The following ENPP6 variants were observed in gnomAD, a reference collection of about 807,000 sequenced individuals.
ENPP6 encodes glycerophosphocholine cholinephosphodiesterase ENPP6.
ENPP6 carries 32 observed loss-of-function variants against 42.0 expected under a neutral mutation model. The ratio of observed to expected loss-of-function variants is 0.76; its 90% CI spans 0.58 to 1.02. The LOEUF (loss-of-function observed/expected upper bound fraction) is 1.02, where lower values mean the gene tolerates loss of function less well. Ranked by LOEUF, ENPP6 falls within the 50% of genes least tolerant of loss-of-function variation. The pLI, the probability that ENPP6 is intolerant of heterozygous loss-of-function variation, is 0.00. For synonymous variants in ENPP6, 213 were observed against 216.0 expected, an observed-to-expected ratio of 0.99 and a Z score of 0.12; for missense variants, 552 against 566.8, an observed-to-expected ratio of 0.97 and a Z score of 0.27.
In ENPP6 at chr4:184,130,386, G is replaced by A. The variant is rs1220805200; in HGVS notation, c.422-6114C>T. On this transcript the variant is annotated intron_variant, in intron 2 of 7. Transcript: ENST00000296741. Reference sequence around the variant, plus strand: ...ATCCTGGCTAACACGGTGAAACCCTGTCTCTACTAAAAACACAAAAAATTA... The same window carrying A: ...ATCCTGGCTAACACGGTGAAACCCTATCTCTACTAAAAACACAAAAAATTA... Among the ~76,000 whole-genome samples the A allele has an allele frequency of 2.8e-5, 4 of 140,760 alleles. No homozygotes were observed. The South Asian group carries it at 7.2e-4, about 25-fold the overall frequency. 92.3% of individuals were successfully genotyped at this position (140,760 alleles called of 152,430 possible).
At chr4:184,199,830 C>A (rs111976278) in intron 1 of ENPP6, among the ~76,000 whole-genome samples, 2,302 of 152,270 alleles carry the variant, frequency 0.015, 76 homozygotes, top group African/African-American at 0.051. Flanking sequence ...GGGAGCCCAC[C>A]CCAGTCCCCC....
chr4:184,131,203 TC>T (rs66852041), intron 2 of ENPP6, among the ~76,000 whole-genome samples: 1,280 of 79,814 alleles, frequency 0.016, 96 homozygotes, highest in Middle Eastern at 0.038. Flanking sequence ...CTTTCTTTCT[TC>T]TTTCTTTCTT....
chr4:184,209,046 TAACA>T (rs1284470295), intron 1 of ENPP6, among the ~76,000 whole-genome samples: 29 of 146,054 alleles, frequency 2.0e-4, no homozygotes, highest in Non-Finnish European at 3.9e-4. Flanking sequence ...GAAGGAAAAC[TAACA>T]AACAGAAAGG....
intron 1 of ENPP6, 133 bp from the exon 2 acceptor site, chr4:184,153,866 T>TAA: frequency 8.2e-6 from 8 of 971,376 alleles, no homozygotes; most frequent in Admixed American, 3.9e-5. Context: ...CTTTTGACTT[T>TAA]AAAAAAAAAT....
At chr4:184,216,530 T>A (rs2111129172) in intron 1 of ENPP6, 1 of 152,268 alleles carries the variant, frequency 6.6e-6, no homozygotes. Flanking sequence ...TCTGTGGAGG[T>A]CCATGAGATA....
At chr4:184,160,898 AG>A (rs1737247611) in intron 1 of ENPP6, among the ~76,000 whole-genome samples, 1 of 152,204 alleles carries the variant, frequency 6.6e-6, no homozygotes, top group African/African-American at 2.4e-5. Flanking sequence ...AATATTCATG[AG>A]TTGGGTGAAT....
At chr4:184,175,545 T>G (rs1453199443) in intron 1 of ENPP6, among the ~76,000 whole-genome samples, 3 of 152,070 alleles carry the variant, frequency 2.0e-5, no homozygotes, top group Non-Finnish European at 4.4e-5. Context: ...AGTGGGGGCA[T>G]TTTATCACCT....
In ENPP6 at chr4:184,165,653, T is replaced by C. The variant is rs554828950; in HGVS notation, c.242-11920A>G. Among the ~76,000 whole-genome samples, 238 of 147,916 alleles carry C rather than the reference T, an allele frequency of 1.6e-3. 1 individual carries two copies. Among genetic ancestry groups the C allele is most frequent in the African/African-American group, 5.8e-3 (232 of 39,860 alleles). On this transcript the variant is annotated intron_variant, in intron 1 of 7. Coordinates refer to ENST00000296741, the MANE Select transcript of ENPP6 (RefSeq NM_153343.4). ...TGTAAATACCTCTAAGGAGGAATAT[T>C]CTCAGACTAGGGATATCAACAAAGG...
intron 2 of ENPP6, among the ~76,000 whole-genome samples, chr4:184,131,829 A>ACACG (rs765550600): frequency 1.3e-5 from 1 of 76,734 alleles, no homozygotes; most frequent in African/African-American, 5.9e-5. Flanking sequence ...ACACACATAT[A>ACACG]TATATATATA....
In ENPP6 at chr4:184,131,258, CT is replaced by C. The variant is rs1560987480; in HGVS notation, c.422-6987del. Among the ~76,000 whole-genome samples the C allele has an allele frequency of 2.9e-3, 106 of 36,182 alleles. 3 individuals carry two copies. The highest frequency in any genetic ancestry group is 0.012 in the Admixed American group (37 of 3,166). 23.7% of individuals were successfully genotyped at this position (36,182 alleles called of 152,430 possible). ...TCCTTTTCTTTCTTTCTTTCTCTTT[CT>C]CTTCCTTCCTTCCTTCCTTCCTTCC... is the stretch of plus-strand genomic sequence containing the variant. On this transcript the variant is annotated intron_variant, in intron 2 of 7. Coordinates refer to ENST00000296741, the MANE Select transcript of ENPP6 (RefSeq NM_153343.4).
At chr4:184,214,709 T>C (rs1479817804) in intron 1 of ENPP6, among the ~76,000 whole-genome samples, 1 of 152,210 alleles carries the variant, frequency 6.6e-6, no homozygotes, top group African/African-American at 2.4e-5. Context: ...GAAGCCATCA[T>C]TTTCAGCAAA....
intron 6 of ENPP6, among the ~76,000 whole-genome samples, chr4:184,106,832 C>T (rs1435125094): frequency 2.0e-5 from 3 of 152,184 alleles, no homozygotes; most frequent in Non-Finnish European, 2.9e-5. Context: ...TCTCGTTGGC[C>T]GTCGCTGTAG....
At chr4:184,092,311 G>A (rs1735819090) in intron 7 of ENPP6, among the ~76,000 whole-genome samples, 2 of 152,132 alleles carry the variant, frequency 1.3e-5, no homozygotes, top group South Asian at 4.1e-4. Context: ...CTCTTTGGGA[G>A]CATTTTACCA....
At chr4:184,176,641 C>T (rs577344690) in intron 1 of ENPP6, among the ~76,000 whole-genome samples, 121 of 152,322 alleles carry the variant, frequency 7.9e-4, no homozygotes, top group African/African-American at 2.9e-3. Flanking sequence ...TACGTTGGCT[C>T]CTCAGGCACT....
intron 1 of ENPP6, among the ~76,000 whole-genome samples, chr4:184,173,779 C>T (rs539297001): frequency 5.9e-5 from 9 of 152,108 alleles, no homozygotes; most frequent in South Asian, 2.1e-4. Flanking sequence ...AGGTTAGGTA[C>T]GGAGAATAGG....
chr4:184,199,222 G>A (rs1027064135), intron 1 of ENPP6, among the ~76,000 whole-genome samples: 26 of 152,184 alleles, frequency 1.7e-4, no homozygotes, highest in African/African-American at 6.0e-4. Context: ...GCCTTGACGT[G>A]CCCCAGCCTC....
At chr4:184,186,195 G>GCTATAC (rs1484386974) in intron 1 of ENPP6, among the ~76,000 whole-genome samples, 27 of 152,212 alleles carry the variant, frequency 1.8e-4, no homozygotes, top group African/African-American at 6.5e-4. Flanking sequence ...AAAACTTGAG[G>GCTATAC]AATAGCCATA....
chr4:184,168,208 A>C (rs568106505), intron 1 of ENPP6, among the ~76,000 whole-genome samples: 64 of 152,174 alleles, frequency 4.2e-4, no homozygotes, highest in Non-Finnish European at 8.2e-4. Context: ...AAAAATGGAG[A>C]TAATCATACC....
chr4:184,210,111 G>T (rs543061819), intron 1 of ENPP6, among the ~76,000 whole-genome samples: 9 of 151,156 alleles, frequency 6.0e-5, no homozygotes, highest in African/African-American at 2.0e-4. Flanking sequence ...AGGAACAACC[G>T]GTACCACCCG....
Sources: allele counts gnomAD v4.1 joint callset (sites outside exome capture counted in the v4.1 genomes callset), GRCh38; gene constraint gnomAD v4.1.1; transcripts MANE v1.5; gene names NCBI Gene and HGNC (gene_info 2026-07-23, HGNC 2026-07-21).